The following NHSL1 variants were observed in gnomAD, a reference collection of about 807,000 sequenced individuals.
The protein encoded by NHSL1 is NHS like 1, also known as NHS-like protein 1.
In NHSL1, 48 loss-of-function variants were observed where a neutral mutation model predicts 95.0. The ratio of observed to expected loss-of-function variants is 0.51; its 90% confidence interval spans 0.40 to 0.64. NHSL1 has a LOEUF of 0.64. Ranked by LOEUF, NHSL1 falls within the 30% of genes least tolerant of loss-of-function variation. The pLI is 0.00. For synonymous variants in NHSL1, 783 were observed against 833.9 expected (o/e 0.94, Z 1.05); for missense variants, 1,971 against 2,077.7 (o/e 0.95, Z 1.00).
intron 1 of NHSL1, chr6:138,691,886 A>C (rs1006917854): frequency 4.4e-6 from 2 of 456,720 alleles, no homozygotes; most frequent in Admixed American, 4.7e-5. Context: ...CTGGTGGGTC[A>C]GTCTGGGAGA....
chr6:138,528,882 G>T (rs1241220056), intron 1 of NHSL1, among the ~76,000 whole-genome samples: 1 of 152,142 alleles, frequency 6.6e-6, no homozygotes, highest in Non-Finnish European at 1.5e-5. Flanking sequence ...CAGTGTTTGA[G>T]GTTCGAGGGA....
rs780592657 is a variant in NHSL1, at chr6:138,442,101, A to G, written c.546T>C (p.Asp182=). The G allele has an allele frequency of 2.6e-6, 4 of 1,550,094 alleles. No individual in the cohort carries two copies. Among genetic ancestry groups the G allele is most frequent in the African/African-American group, 2.7e-5 (2 of 73,076 alleles). ...GAGACCGCCGAAGGCTGGCCTGGCG[A>G]TCGAAATTCTCCCCTAATGTAGAGT... ...VPINITGENF[D]RQASLRRSLI... is the part of the protein sequence containing the mutation. The change falls in exon 5 of 8, where the codon GAT becomes GAC. Residue 182 remains aspartate, a synonymous_variant. Coordinates refer to ENST00000343505, the MANE Select transcript of NHSL1 (RefSeq NM_001144060.2).
chr6:138,468,419 T>C (rs541431388), intron 3 of NHSL1, among the ~76,000 whole-genome samples: 147 of 152,334 alleles, frequency 9.6e-4, no homozygotes, highest in Admixed American at 3.9e-3. Flanking sequence ...TGTTAGGAAC[T>C]GGGCTGAACA....
chr6:138,445,853 G>A (rs377701786), intron 4 of NHSL1, among the ~76,000 whole-genome samples: 2 of 152,258 alleles, frequency 1.3e-5, no homozygotes, highest in South Asian at 4.1e-4. Context: ...TAAGGGCCCT[G>A]CTTTGTATGA....
Position 138,473,285 on chromosome 6 carries a change from G to A in NHSL1, c.339+21C>T, listed in dbSNP as rs547317179. On this transcript the variant is annotated intron_variant, in intron 3 of 7. Coordinates refer to ENST00000343505, the MANE Select transcript of NHSL1 (RefSeq NM_001144060.2). ...GTTCTGGGACCCAACCCAGGACCCC[G>A]TGTTGAACTTTGAAGCTTACCTTTT... is the stretch of plus-strand genomic sequence containing the variant. 16 of 1,521,634 alleles carry A rather than the reference G, an allele frequency of 1.1e-5. No homozygotes were observed. The African/African-American group carries it at 1.2e-4, about 12-fold the overall frequency. 94.3% of individuals were successfully genotyped at this position (1,521,634 alleles called of 1,614,324 possible).
chr6:138,624,556 T>C (rs1426420867), intron 1 of NHSL1, among the ~76,000 whole-genome samples: 1 of 152,162 alleles, frequency 6.6e-6, no homozygotes, highest in Non-Finnish European at 1.5e-5. Context: ...AGGGAAATCA[T>C]GTAATCTCAA....
chr6:138,604,168 GTTTC>G (rs142707265), intron 1 of NHSL1, among the ~76,000 whole-genome samples: 1,769 of 152,134 alleles, frequency 0.012, 27 homozygotes, highest in African/African-American at 0.041. Context: ...AAGTCAAACT[GTTTC>G]TAAGTATCCA....
chr6:138,532,184 G>T (rs1782162809), intron 1 of NHSL1, among the ~76,000 whole-genome samples: 1 of 152,192 alleles, frequency 6.6e-6, no homozygotes, highest in African/African-American at 2.4e-5. Context: ...GCCAAGGAAG[G>T]TGAACACAGT....
At chr6:138,536,745 A>G (rs759544379) in intron 1 of NHSL1, among the ~76,000 whole-genome samples, 3 of 151,012 alleles carry the variant, frequency 2.0e-5, no homozygotes, top group African/African-American at 4.9e-5. Flanking sequence ...TAAGCCCTGC[A>G]TGCATTAGGG....
intron 1 of NHSL1, among the ~76,000 whole-genome samples, chr6:138,616,260 C>T (rs74542756): frequency 0.22 from 33,264 of 152,012 alleles, 3,645 homozygotes; most frequent in South Asian, 0.31. Flanking sequence ...ATTGTTATTG[C>T]ACAGCTACCT....
intron 1 of NHSL1, among the ~76,000 whole-genome samples, chr6:138,590,508 C>T (rs991685015): frequency 1.3e-5 from 2 of 152,138 alleles, no homozygotes; most frequent in African/African-American, 4.8e-5. Context: ...ACACATCCTG[C>T]CCAATCAACC....
chr6:138,493,333 A>G (rs1372801621), intron 2 of NHSL1, among the ~76,000 whole-genome samples: 2 of 152,246 alleles, frequency 1.3e-5, no homozygotes, highest in African/African-American at 2.4e-5. Context: ...GAAAGCATTT[A>G]TCTTTTCAAA....
At chr6:138,593,265 T>C (rs979897528) in intron 1 of NHSL1, among the ~76,000 whole-genome samples, 2 of 152,214 alleles carry the variant, frequency 1.3e-5, no homozygotes, top group African/African-American at 4.8e-5. Context: ...AGAATCCCGT[T>C]GTCCTTGCCC....
At chr6:138,489,084 C>T (rs1331304344) in intron 2 of NHSL1, among the ~76,000 whole-genome samples, 1 of 152,124 alleles carries the variant, frequency 6.6e-6, no homozygotes, top group Admixed American at 6.5e-5. Flanking sequence ...TTGTTCTGTT[C>T]CTTTATCCCT....
intron 1 of NHSL1, among the ~76,000 whole-genome samples, chr6:138,594,736 C>T (rs1187756042): frequency 2.6e-5 from 4 of 152,130 alleles, no homozygotes; most frequent in Non-Finnish European, 5.9e-5. Context: ...GAAAGGGCTA[C>T]ATAGCAAGAT....
rs1014407323 is a variant in NHSL1, at chr6:138,662,762, G to C, written c.96+29714C>G. Among the ~76,000 whole-genome samples the C allele has an allele frequency of 3.3e-5, 5 of 151,430 alleles. No homozygotes were observed. The South Asian group carries it at 1.0e-3, about 32-fold the overall frequency. On this transcript the variant is annotated intron_variant, in intron 1 of 3. Transcript: ENST00000491526. ...CTAATAGGCTTAACAGGTTGAACAA[G>C]ATCTGATAAAGAATACTCAAGACTT...
chr6:138,464,744 GCT>G (rs796415574), intron 3 of NHSL1, among the ~76,000 whole-genome samples: 44 of 131,446 alleles, frequency 3.3e-4, no homozygotes, highest in African/African-American at 1.3e-3. Context: ...ACAGAGTCTG[GCT>G]CTGTCACCCA....
chr6:138,470,279 A>G (rs995833577), intron 3 of NHSL1, among the ~76,000 whole-genome samples: 7 of 152,082 alleles, frequency 4.6e-5, no homozygotes, highest in Non-Finnish European at 7.4e-5. Context: ...CGAGAACAAG[A>G]TTAACCTGAA....
chr6:138,690,841 T>C (rs781228261), intron 1 of NHSL1, among the ~76,000 whole-genome samples: 2 of 152,236 alleles, frequency 1.3e-5, no homozygotes, highest in Non-Finnish European at 2.9e-5. Context: ...GGGGGATTTC[T>C]GGCTATGGAC....
Sources: allele counts gnomAD v4.1 joint callset (sites outside exome capture counted in the v4.1 genomes callset), GRCh38; gene constraint gnomAD v4.1.1; transcripts MANE v1.5; gene names NCBI Gene and HGNC (gene_info 2026-07-23, HGNC 2026-07-21).